The following OSBPL9 variants were observed in gnomAD, a reference collection of about 807,000 sequenced individuals.
OSBPL9 encodes oxysterol-binding protein-related protein 9.
A neutral mutation model predicts 106.6 loss-of-function variants in OSBPL9; 40 were observed. The ratio of observed to expected loss-of-function variants is 0.38; its 90% CI spans 0.29 to 0.49. OSBPL9 has a LOEUF of 0.49. Ranked by LOEUF, OSBPL9 falls within the 20% of genes least tolerant of loss-of-function variation. The pLI is 0.97. For synonymous variants in OSBPL9, 269 were observed against 295.4 expected (o/e 0.91, Z 0.92); for missense variants, 609 against 887.2 (o/e 0.69, Z 3.98).
intron 1 of OSBPL9, among the ~76,000 whole-genome samples, chr1:51,592,924 C>T (rs1264956031): frequency 6.6e-6 from 1 of 152,166 alleles, no homozygotes; most frequent in Non-Finnish European, 1.5e-5. Context: ...CCAGCTGGGG[C>T]AGGGAAATGG....
At chr1:51,615,506 C>T (rs1298086813), upstream of OSBPL9, among the ~76,000 whole-genome samples, 3 of 152,138 alleles carry the variant, frequency 2.0e-5, no homozygotes, top group Non-Finnish European at 4.4e-5. Context: ...AGGTCTCAAT[C>T]TTATGAAGGG....
chr1:51,781,052 C>T, intron 15 of OSBPL9, 112 bp from the exon 16 acceptor site: 2 of 856,442 alleles, frequency 2.3e-6, no homozygotes, highest in South Asian at 3.6e-5. Context: ...ACTCCTGGTC[C>T]TAGGTCCTCA....
the OSBPL9 span, among the ~76,000 whole-genome samples, chr1:51,540,514 C>T: frequency 1.4e-3 from 220 of 151,734 alleles, no homozygotes; most frequent in African/African-American, 3.0e-3. Flanking sequence ...ATTAGCTGGG[C>T]GTGGTGGCGC....
intron 1 of OSBPL9, among the ~76,000 whole-genome samples, chr1:51,588,117 T>C (rs1443008463): frequency 6.6e-6 from 1 of 152,226 alleles, no homozygotes; most frequent in African/African-American, 2.4e-5. Context: ...GCATGGTGGC[T>C]CATGCCTGTA....
chr1:51,760,983 G>A (rs1671364757), intron 10 of OSBPL9, among the ~76,000 whole-genome samples: 1 of 152,150 alleles, frequency 6.6e-6, no homozygotes, highest in South Asian at 2.1e-4. Context: ...TGATGAAAGT[G>A]GTTTTGTTAT....
intron 1 of OSBPL9, among the ~76,000 whole-genome samples, chr1:51,593,041 T>C (rs937922989): frequency 3.3e-5 from 5 of 152,152 alleles, no homozygotes; most frequent in African/African-American, 1.2e-4. Flanking sequence ...GGAAAAGGAT[T>C]GTGCTTTGTT....
intron 3 of OSBPL9, among the ~76,000 whole-genome samples, chr1:51,678,720 T>C (rs1352058056): frequency 1.3e-5 from 2 of 152,208 alleles, no homozygotes; most frequent in African/African-American, 2.4e-5. Context: ...GTTGATGTTA[T>C]GGTGAAGGAA....
At chr1:51,722,411 T>A (rs1662329348) in intron 4 of OSBPL9, among the ~76,000 whole-genome samples, 1 of 152,212 alleles carries the variant, frequency 6.6e-6, no homozygotes, top group African/African-American at 2.4e-5. Context: ...ACTGAAAGGC[T>A]CATATAGCAA....
intron 11 of OSBPL9, among the ~76,000 whole-genome samples, chr1:51,762,404 C>T (rs1671717068): frequency 6.6e-6 from 1 of 152,138 alleles, no homozygotes; most frequent in Non-Finnish European, 1.5e-5. Context: ...CTCAAGCAGT[C>T]TTCCTGCCTC....
chr1:51,645,842 T>C (rs1180352102), intron 1 of OSBPL9, among the ~76,000 whole-genome samples: 1 of 152,156 alleles, frequency 6.6e-6, no homozygotes, highest in Non-Finnish European at 1.5e-5. Context: ...TTCTTTTACA[T>C]ATGGTTTAAT....
intron 2 of OSBPL9, among the ~76,000 whole-genome samples, chr1:51,657,041 T>C (rs1646862978): frequency 6.6e-6 from 1 of 152,234 alleles, no homozygotes; most frequent in South Asian, 2.1e-4. Flanking sequence ...TACATGTTAA[T>C]TTTTCTGTTG....
At chr1:51,641,747 AG>A (rs964193514) in intron 1 of OSBPL9, among the ~76,000 whole-genome samples, 1 of 152,172 alleles carries the variant, frequency 6.6e-6, no homozygotes, top group Non-Finnish European at 1.5e-5. Context: ...TAACAGTTGG[AG>A]GTTAGGATCT....
chr1:51,602,115 G>C (rs1645327683), intron 2 of OSBPL9, among the ~76,000 whole-genome samples: 1 of 138,752 alleles, frequency 7.2e-6, no homozygotes, highest in Non-Finnish European at 1.5e-5. Flanking sequence ...CCGCCTTCTG[G>C]GTTCACGCCA....
At chr1:51,606,815 A>C (rs1485672410) in intron 2 of OSBPL9, among the ~76,000 whole-genome samples, 2 of 152,074 alleles carry the variant, frequency 1.3e-5, no homozygotes, top group African/African-American at 2.4e-5. Context: ...TTGGGAGGCC[A>C]AGGCGGGCAG....
At chr1:51,579,825 AG>A (rs1645210433) in intron 1 of OSBPL9, among the ~76,000 whole-genome samples, 1 of 150,006 alleles carries the variant, frequency 6.7e-6, no homozygotes, top group African/African-American at 2.5e-5. Flanking sequence ...ACTGCACTCC[AG>A]CCTGGGCGAC....
intron 3 of OSBPL9, among the ~76,000 whole-genome samples, chr1:51,683,098 A>G (rs1432889753): frequency 6.6e-6 from 1 of 151,936 alleles, no homozygotes; most frequent in Non-Finnish European, 1.5e-5. Flanking sequence ...GCTGGTCTTG[A>G]ACTCCTGACC....
At chr1:51,642,719 G>C (rs1416813328) in intron 1 of OSBPL9, among the ~76,000 whole-genome samples, 1 of 152,126 alleles carries the variant, frequency 6.6e-6, no homozygotes, top group Non-Finnish European at 1.5e-5. Flanking sequence ...AATATCTAGG[G>C]AGATAGCTGT....
chr1:51,651,592 G>T (rs1367883839), intron 1 of OSBPL9, among the ~76,000 whole-genome samples: 1 of 151,702 alleles, frequency 6.6e-6, no homozygotes, highest in Non-Finnish European at 1.5e-5. Context: ...GACAAAGCGG[G>T]ACTCCATCTC....
intron 4 of OSBPL9, among the ~76,000 whole-genome samples, chr1:51,727,557 G>A (rs1234425771): frequency 6.6e-6 from 1 of 152,198 alleles, no homozygotes; most frequent in Non-Finnish European, 1.5e-5. Context: ...GGGATTGACT[G>A]TAGAGAAGCA....
Sources: gnomAD v4.1 joint callset for allele counts (sites outside exome capture counted in the v4.1 genomes callset) on GRCh38, gnomAD v4.1.1 for gene constraint, MANE v1.5 for transcripts, NCBI Gene and HGNC (gene_info 2026-07-23, HGNC 2026-07-21) for gene names.